EOGT: variants seen among roughly 807,000 people sequenced by gnomAD.
EOGT encodes EGF domain specific O-linked N-acetylglucosamine transferase.
EOGT carries 55 observed loss-of-function variants against 70.5 expected under a neutral mutation model. The observed-to-expected ratio is 0.78, with a 90% CI of 0.63 to 0.98. The LOEUF (loss-of-function observed/expected upper bound fraction) is 0.98, where lower values mean the gene tolerates loss of function less well. Among genes scored for constraint, EOGT ranks in the 50% least tolerant of loss-of-function variants. The probability of loss-of-function intolerance (pLI) is 0.00; values close to 1 mark genes in which losing one functional copy is unlikely to be tolerated. For synonymous variants in EOGT, 246 were observed against 217.1 expected (o/e 1.13, Z -1.17); for missense variants, 703 against 641.9 (o/e 1.10, Z -1.03).
At chr3:69,005,984 C>T (rs1440539334) in intron 6 of EOGT, among the ~76,000 whole-genome samples, 2 of 152,104 alleles carry the variant, frequency 1.3e-5, no homozygotes, top group Non-Finnish European at 2.9e-5. Context: ...ACTGAATGTC[C>T]GTGTCTCTGC....
intron 2 of EOGT, 42 bp downstream of exon 2, chr3:69,012,473 G>C (rs1281704445): frequency 1.3e-5 from 2 of 152,440 alleles, no homozygotes; most frequent in African/African-American, 4.8e-5. Context: ...GGTTATCCAA[G>C]TCCATTGTCC....
chr3:68,985,225 G>A (rs1258340846), intron 14 of EOGT, among the ~76,000 whole-genome samples: 1 of 152,080 alleles, frequency 6.6e-6, no homozygotes, highest in African/African-American at 2.4e-5. Flanking sequence ...TGCACTATTT[G>A]ATACGTTCGT....
Position 68,997,923 on chromosome 3 carries a change from T to C in EOGT, c.831+88A>G. 4 of 764,108 alleles carry C rather than the reference T, an allele frequency of 5.2e-6. No homozygotes were observed. In the South Asian group the frequency reaches 7.3e-5, roughly 14 times the overall value. The allele number at this position is 764,108 out of a possible 1,614,324, so 47.3% of individuals were successfully genotyped here. A position where few individuals can be genotyped will look rare whatever the true frequency, so the allele number is the denominator to read the frequency against. On this transcript the variant is annotated intron_variant, in intron 10 of 17. Coordinates refer to ENST00000383701, the MANE Select transcript of EOGT (RefSeq NM_001278689.2). Reference sequence around the variant, plus strand: ...GGCTGTACATGTTGAAATATATGTGTCTTTGAAAATTCTGTTTCACAACAT... The same window carrying C: ...GGCTGTACATGTTGAAATATATGTGCCTTTGAAAATTCTGTTTCACAACAT...
rs780289875 is a variant in EOGT, at chr3:69,009,673, G to T, written c.174C>A (p.Ala58=). ...PFFLHNNRHI[A]TVCRKDSLCP... is the part of the protein sequence containing the mutation. ...AAAGAGAGTCTTTCCTACAGACAGTGGCAATATGCCTATTGTTGTGCAAAA... is the reference window on the plus strand; with the variant it reads ...AAAGAGAGTCTTTCCTACAGACAGTTGCAATATGCCTATTGTTGTGCAAAA... The change falls in exon 4 of 18, where the codon GCC becomes GCA. Residue 58 remains alanine (A), a synonymous_variant. Coordinates refer to ENST00000383701, the MANE Select transcript of EOGT (RefSeq NM_001278689.2). 3.7e-6 allele frequency: 6 copies of T among 1,613,900 alleles called. No homozygotes were observed. Among genetic ancestry groups the T allele is most frequent in the Non-Finnish European group, 5.1e-6 (6 of 1,179,902 alleles).
At chr3:69,002,314 C>A (rs543978079) in intron 8 of EOGT, among the ~76,000 whole-genome samples, 1 of 152,228 alleles carries the variant, frequency 6.6e-6, no homozygotes, top group Non-Finnish European at 1.5e-5. Flanking sequence ...GTATTTTAAG[C>A]TGCTAAATTT....
intron 9 of EOGT, among the ~76,000 whole-genome samples, chr3:68,998,852 C>CA: frequency 2.2e-5 from 1 of 45,944 alleles, no homozygotes; most frequent in East Asian, 3.4e-4. Context: ...AAAAAAAAAA[C>CA]CAGAAAAAAA....
At position 68,977,335 on chromosome 3, in the gene EOGT, AAAG is replaced by A; in HGVS notation, c.*280_*282del. 5.4e-5 allele frequency: 14 copies of A among 259,866 alleles called. No homozygotes were observed. The highest frequency in any genetic ancestry group is 1.2e-4 in the South Asian group (2 of 17,204). 16.1% of individuals were successfully genotyped at this position (259,866 alleles called of 1,614,324 possible). A position where few individuals can be genotyped will look rare whatever the true frequency, so the allele number is the denominator to read the frequency against. Reference sequence around the variant, plus strand: ...TGAGACTCTGTCTCCAAAAAAAAAAAAAGAAAGAAAGAAAGTTAAAGTATACTG... The same window carrying A: ...TGAGACTCTGTCTCCAAAAAAAAAAAAAAGAAAGAAAGTTAAAGTATACTG... On this transcript the variant is annotated 3_prime_UTR_variant, in exon 18 of 18. Coordinates refer to ENST00000383701, the MANE Select transcript of EOGT (RefSeq NM_001278689.2).
Position 69,008,539 on chromosome 3 carries a change from A to G in EOGT, c.211-11T>C, listed in dbSNP as rs745506633. On this transcript the variant is annotated splice_polypyrimidine_tract_variant and intron_variant, in intron 4 of 17. Transcript: ENST00000383701. ...CTTCTCTAGGTGTTTCTAGAACATA[A>G]AACTTACATTGATTTCCCTTCTTCT... 1.3e-6 allele frequency: 2 copies of G among 1,586,626 alleles called. No individual in the cohort carries two copies. The highest frequency in any genetic ancestry group is 3.4e-5 in the Admixed American group (2 of 59,636).
chr3:68,976,267 T>G lies in EOGT; in HGVS notation c.*1351A>C, dbSNP rs902488423. 2.0e-5 allele frequency: 3 copies of G among 152,226 alleles called. No homozygotes were observed. Among genetic ancestry groups the G allele is most frequent in the Non-Finnish European group, 4.4e-5 (3 of 68,038 alleles). 9.4% of individuals were successfully genotyped at this position (152,226 alleles called of 1,614,324 possible). ...GAGGCTAATTTGAAGTTTTTGAAATTAAAGACTGGAATACTTTCATGCTGA... is the reference window on the plus strand; with the variant it reads ...GAGGCTAATTTGAAGTTTTTGAAATGAAAGACTGGAATACTTTCATGCTGA... On this transcript the variant is annotated 3_prime_UTR_variant, in exon 18 of 18. Transcript: ENST00000383701.
intron 16 of EOGT, 67 bp from the exon 17 acceptor site, chr3:68,978,502 C>T (rs568312568): frequency 2.3e-5 from 26 of 1,112,644 alleles, no homozygotes; most frequent in East Asian, 1.5e-4. Flanking sequence ...AACAACTCTG[C>T]GAAAATAAAA....
intron 6 of EOGT, among the ~76,000 whole-genome samples, chr3:69,006,411 T>C (rs2091441797): frequency 6.6e-6 from 1 of 152,180 alleles, no homozygotes; most frequent in African/African-American, 2.4e-5. Context: ...TGTGAGTAAA[T>C]TAAAAAATTT....
chr3:68,978,275 T>C (rs987990197), intron 17 of EOGT, 58 bp downstream of exon 17: 1 of 1,230,682 alleles, frequency 8.1e-7, no homozygotes, highest in Non-Finnish European at 1.2e-6. Flanking sequence ...ATATCAATAA[T>C]TGGATACTTT....
intron 10 of EOGT, among the ~76,000 whole-genome samples, chr3:68,995,742 T>C (rs912750683): frequency 6.6e-6 from 1 of 152,200 alleles, no homozygotes; most frequent in Non-Finnish European, 1.5e-5. Context: ...GCAACTTAGG[T>C]AGAGTCCTCT....
chr3:69,007,663 A>C, intron 6 of EOGT, 50 bp downstream of exon 6: 1 of 1,272,088 alleles, frequency 7.9e-7, no homozygotes, highest in Non-Finnish European at 1.1e-6. Context: ...AAAATAAATA[A>C]AATTAAAATT....
chr3:68,997,671 A>G (rs1261424164), intron 10 of EOGT, among the ~76,000 whole-genome samples: 2 of 152,138 alleles, frequency 1.3e-5, no homozygotes, highest in Non-Finnish European at 2.9e-5. Context: ...GCCCTGCTGA[A>G]TGGCAGTCTT....
chr3:68,989,075 C>A, intron 10 of EOGT, 58 bp from the exon 11 acceptor site: 2 of 949,326 alleles, frequency 2.1e-6, no homozygotes, highest in Non-Finnish European at 3.1e-6. Context: ...CATGACTTTT[C>A]AAAGATGCAA....
chr3:69,005,269 G>A (rs1032670123), intron 6 of EOGT, 35 bp from the exon 7 acceptor site: 4 of 1,233,950 alleles, frequency 3.2e-6, no homozygotes, highest in African/African-American at 1.5e-5. Context: ...ATGACTCTGA[G>A]TATTAACACA....
At chr3:69,003,244 A>G (rs2091348671) in intron 8 of EOGT, among the ~76,000 whole-genome samples, 1 of 152,290 alleles carries the variant, frequency 6.6e-6, no homozygotes, top group South Asian at 2.1e-4. Context: ...TCATTGTGCC[A>G]TGGTTATATG....
intron 16 of EOGT, among the ~76,000 whole-genome samples, 184 bp from the exon 17 acceptor site, chr3:68,978,619 T>C (rs527536631): frequency 1.3e-5 from 2 of 152,200 alleles, no homozygotes; most frequent in Non-Finnish European, 2.9e-5. Context: ...CTAAATGAAC[T>C]TAACTTTTAA....
Sources: gnomAD v4.1 joint callset for allele counts (sites outside exome capture counted in the v4.1 genomes callset) on GRCh38, gnomAD v4.1.1 for gene constraint, MANE v1.5 for transcripts, NCBI Gene and HGNC (gene_info 2026-07-23, HGNC 2026-07-21) for gene names.